ELP6: variants seen among roughly 807,000 people sequenced by gnomAD.
ELP6 encodes the protein elongator complex protein 6.
Under a neutral mutation model 28.1 loss-of-function variants are expected in ELP6, and 23 were observed. That is an observed-to-expected ratio of 0.82 (90% CI 0.59 to 1.16). ELP6 has a LOEUF of 1.16. ELP6 is among the 50% of genes most tolerant of loss of function. The pLI is 0.00. For synonymous variants in ELP6, 132 were observed against 135.8 expected (o/e 0.97, Z 0.19); for missense variants, 313 against 334.6 (o/e 0.94, Z 0.50).
At chr3:47,504,615 A>G in intron 3 of ELP6, 167 bp from the exon 4 acceptor site, 1 of 985,376 alleles carries the variant, frequency 1.0e-6, no homozygotes. Flanking sequence ...CAAACCCATA[A>G]TGCCCCAACT....
Position 47,496,124 on chromosome 3 carries a change from A to T in ELP6, c.746T>A (p.Ile249Lys). The T allele has an allele frequency of 6.2e-7, 1 of 1,614,176 alleles. No homozygotes were observed. Residue 249 changes from isoleucine to lysine, a missense_variant, in exon 7 of 7, where the codon ATA becomes AAA. Physicochemically the swap from Ile to Lys is moderately radical, Grantham distance 102 (BLOSUM62 -3). Transcript: ENST00000296149. ...RDQSFTYQYK[I>K]QDKSVSFFAK... ...AAAAAAGGACACGCTTTTGTCCTGT[A>T]TCTTATACTGGTAAGTGAAGCTCTG...
chr3:47,505,773 T>C (rs575825842), intron 3 of ELP6, among the ~76,000 whole-genome samples: 62 of 152,280 alleles, frequency 4.1e-4, no homozygotes, highest in Non-Finnish European at 7.2e-4. Flanking sequence ...GGTTTCTCCA[T>C]GTTGGTCAGC....
intron 1 of ELP6, chr3:47,512,645 T>C (rs1709047613): frequency 1.0e-6 from 1 of 985,354 alleles, no homozygotes; most frequent in Non-Finnish European, 1.2e-6. Context: ...CCCCGGAGTG[T>C]GAGGAGGGTG....
intron 4 of ELP6, chr3:47,502,524 G>A (rs1357343618): frequency 3.0e-6 from 3 of 984,786 alleles, no homozygotes; most frequent in Non-Finnish European, 1.2e-6. Context: ...CTTCCCAGGA[G>A]GTTATACACA....
intron 3 of ELP6, among the ~76,000 whole-genome samples, chr3:47,507,301 T>C (rs1433335753): frequency 6.8e-6 from 1 of 147,024 alleles, no homozygotes; most frequent in Non-Finnish European, 1.5e-5. Flanking sequence ...GCGGAGGTTA[T>C]GGTGAGCTGA....
intron 4 of ELP6, chr3:47,503,124 C>T (rs1302598970): frequency 7.2e-6 from 8 of 1,112,282 alleles, no homozygotes; most frequent in Middle Eastern, 8.4e-4. Flanking sequence ...TCTCCCCATA[C>T]CTTGGGATGA....
intron 5 of ELP6, among the ~76,000 whole-genome samples, chr3:47,501,086 TA>T (rs776862532): frequency 1.1e-4 from 16 of 152,234 alleles, no homozygotes; most frequent in Non-Finnish European, 2.2e-4. Context: ...CTATTATGGC[TA>T]TTAAGTGCAG....
rs573271947 is a variant in ELP6, at chr3:47,512,648, G to A, written c.54+889C>T. 1.2e-3 allele frequency: 1,227 copies of A among 985,452 alleles called. 1 individual carries two copies. Among genetic ancestry groups the A allele is most frequent in the Non-Finnish European group, 1.4e-3 (1,182 of 829,920 alleles). 61.0% of individuals were successfully genotyped at this position (985,452 alleles called of 1,614,324 possible). On this transcript the variant is annotated intron_variant, in intron 1 of 6. Transcript: ENST00000296149. ...GGTTTCAAGGTACCCCGGAGTGTGA[G>A]GAGGGTGGAGAGAACAGGCCAGCCT...
chr3:47,501,716 G>A lies in ELP6; in HGVS notation c.459C>T (p.Gly153=), dbSNP rs1708658899. ...AGTCTAGCACAGCCACCGCCCCCAT[G>A]CCCAGGCTCAGGAGCACACTGAGGT... ...VDDLSVLLSL[G]MGAVAVLDFI... is the part of the protein sequence containing the mutation. Residue 153 remains glycine, a synonymous_variant, in exon 5 of 7, where the codon GGC becomes GGT. Coordinates refer to ENST00000296149, the MANE Select transcript of ELP6 (RefSeq NM_001031703.3). 3.7e-6 allele frequency: 6 copies of A among 1,613,978 alleles called. No homozygotes were observed. Among genetic ancestry groups the A allele is most frequent in the Non-Finnish European group, 5.1e-6 (6 of 1,179,976 alleles).
intron 3 of ELP6, 70 bp downstream of exon 3, chr3:47,510,114 C>G: frequency 7.9e-7 from 1 of 1,271,892 alleles, no homozygotes; most frequent in Non-Finnish European, 1.1e-6. Flanking sequence ...AACAGGAAAG[C>G]CAAGCTTTAG....
At chr3:47,506,100 A>G (rs1398100976) in intron 3 of ELP6, among the ~76,000 whole-genome samples, 1 of 152,174 alleles carries the variant, frequency 6.6e-6, no homozygotes, top group African/African-American at 2.4e-5. Flanking sequence ...ACATGTTGGT[A>G]GGTTCCGTGA....
At chr3:47,501,462 TG>T in intron 5 of ELP6, 187 bp downstream of exon 5, 1 of 608,216 alleles carries the variant, frequency 1.6e-6, no homozygotes. Flanking sequence ...CCCTTTATTT[TG>T]GGGGGCTTTA....
At chr3:47,512,942 A>C in intron 1 of ELP6, 1 of 984,130 alleles carries the variant, frequency 1.0e-6, no homozygotes, top group Non-Finnish European at 1.2e-6. Flanking sequence ...GCCACAGTTC[A>C]CGTCCGCGAA....
At chr3:47,504,881 G>A (rs561739984) in intron 3 of ELP6, among the ~76,000 whole-genome samples, 15 of 152,214 alleles carry the variant, frequency 9.9e-5, no homozygotes, top group South Asian at 4.1e-4. Flanking sequence ...GATCACGTGC[G>A]CCCAGGAGGT....
At chr3:47,505,935 T>A (rs1300302568) in intron 3 of ELP6, among the ~76,000 whole-genome samples, 3 of 152,156 alleles carry the variant, frequency 2.0e-5, no homozygotes, top group Non-Finnish European at 2.9e-5. Context: ...CTCGAACTCC[T>A]GGCCTCAAGT....
At chr3:47,499,609 G>A (rs1316422316) in intron 5 of ELP6, 1 of 283,854 alleles carries the variant, frequency 3.5e-6, no homozygotes, top group Non-Finnish European at 5.2e-6. Context: ...ACTTGAACCT[G>A]GGAGGTGGAG....
At position 47,501,654 on chromosome 3, in the gene ELP6, A is replaced by G. The variant is rs1708655696; in HGVS notation, c.521T>C (p.Leu174Pro). ...HYCRATVCWE[L>P]KGNMVVLVHD... ...AGAAGGCAGTTCCATGAGTACCTTT[A>G]GTTCCCAGCACACGGTGGCTCTGCA... The change falls in exon 5 of 7, where the codon CTA becomes CCA. Residue 174 changes from leucine (L) to proline (P), a missense_variant. Transcript: ENST00000296149. The G allele has an allele frequency of 5.6e-6, 9 of 1,613,954 alleles. No individual in the cohort carries two copies. The highest frequency in any genetic ancestry group is 7.6e-6 in the Non-Finnish European group (9 of 1,179,998).
intron 3 of ELP6, 41 bp from the exon 4 acceptor site, chr3:47,504,489 G>T: frequency 6.4e-7 from 1 of 1,552,300 alleles, no homozygotes. Context: ...GCCTTGTAGG[G>T]GAACCCATCA....
chr3:47,504,228 C>G (rs189401725), intron 4 of ELP6, 102 bp downstream of exon 4: 28 of 1,398,376 alleles, frequency 2.0e-5, no homozygotes, highest in Middle Eastern at 2.5e-4. Flanking sequence ...GAAGCCAGTT[C>G]CATCCTCCTG....
Sources: gnomAD v4.1 joint callset for allele counts (sites outside exome capture counted in the v4.1 genomes callset) on GRCh38, gnomAD v4.1.1 for gene constraint, MANE v1.5 for transcripts, NCBI Gene and HGNC (gene_info 2026-07-23, HGNC 2026-07-21) for gene names.